FAM13A: variants seen among roughly 807,000 people sequenced by gnomAD.
The protein encoded by FAM13A is protein FAM13A.
FAM13A carries 76 observed loss-of-function variants against 129.6 expected under a neutral mutation model. The ratio of observed to expected loss-of-function variants is 0.59; its 90% CI spans 0.49 to 0.71. The LOEUF is 0.71. FAM13A is among the 30% of genes least tolerant of loss of function. FAM13A has a pLI of 0.00. For missense variants in FAM13A, 1,108 were observed against 1,249.3 expected, an observed-to-expected ratio of 0.89 and a Z score of 1.70; for synonymous variants, 443 against 449.9, an observed-to-expected ratio of 0.98 and a Z score of 0.20.
intron 7 of FAM13A, among the ~76,000 whole-genome samples, chr4:88,843,152 G>C (rs960314952): frequency 6.6e-6 from 1 of 152,280 alleles, no homozygotes; most frequent in Non-Finnish European, 1.5e-5. Context: ...AGAGGTTGGG[G>C]CCCTTTTCGA....
intron 7 of FAM13A, 80 bp downstream of exon 7, chr4:88,850,940 A>G (rs1561160793): frequency 8.6e-6 from 11 of 1,285,380 alleles, no homozygotes; most frequent in Non-Finnish European, 1.2e-5. Flanking sequence ...AGATCAATGC[A>G]GAAATACCTA....
chr4:88,979,323 T>C (rs1761336273), intron 4 of FAM13A, among the ~76,000 whole-genome samples: 1 of 152,216 alleles, frequency 6.6e-6, no homozygotes, highest in South Asian at 2.1e-4. Context: ...GCAAGTTTAA[T>C]TCTAAAAGTA....
intron 7 of FAM13A, among the ~76,000 whole-genome samples, chr4:88,817,882 G>A (rs1731088877): frequency 6.6e-6 from 1 of 152,192 alleles, no homozygotes; most frequent in Non-Finnish European, 1.5e-5. Flanking sequence ...TGTATTGCAA[G>A]CATAAGAAGA....
intron 21 of FAM13A, among the ~76,000 whole-genome samples, chr4:88,735,243 A>C (rs1213716731): frequency 6.6e-6 from 1 of 152,066 alleles, no homozygotes; most frequent in African/African-American, 2.4e-5. Context: ...ATAAATTGAT[A>C]ATAGCTATGA....
intron 8 of FAM13A, among the ~76,000 whole-genome samples, chr4:88,799,021 A>G (rs889402927): frequency 1.3e-5 from 2 of 152,256 alleles, no homozygotes; most frequent in African/African-American, 2.4e-5. Flanking sequence ...AGCTCTAAAC[A>G]TATGCTTAAT....
intron 13 of FAM13A, 55 bp from the exon 14 acceptor site, chr4:88,758,956 C>G (rs182396788): frequency 2.0e-5 from 31 of 1,561,840 alleles, no homozygotes; most frequent in Admixed American, 1.8e-4. Context: ...AACCCCAAGA[C>G]GTCTGCAGCA....
At chr4:88,772,249 G>A (rs1720817897) in intron 11 of FAM13A, among the ~76,000 whole-genome samples, 2 of 152,120 alleles carry the variant, frequency 1.3e-5, no homozygotes, top group Non-Finnish European at 2.9e-5. Context: ...GTTAAGAAAG[G>A]ATTAATGGCA....
intron 6 of FAM13A, 143 bp from the exon 7 acceptor site, chr4:88,851,326 T>G: frequency 3.0e-6 from 2 of 677,774 alleles, no homozygotes; most frequent in Non-Finnish European, 4.7e-6. Flanking sequence ...AGCTAAAAAT[T>G]AAATTTAAAC....
chr4:88,912,034 G>A (rs942445515), intron 5 of FAM13A, among the ~76,000 whole-genome samples: 1 of 152,204 alleles, frequency 6.6e-6, no homozygotes, highest in Non-Finnish European at 1.5e-5. Flanking sequence ...TTTAAAGAAG[G>A]TAACTATTCT....
intron 6 of FAM13A, among the ~76,000 whole-genome samples, chr4:88,888,250 T>C (rs944758873): frequency 1.1e-4 from 17 of 152,212 alleles, no homozygotes; most frequent in African/African-American, 3.6e-4. Context: ...ACAGCACATA[T>C]GGTTTATTCT....
intron 3 of FAM13A, among the ~76,000 whole-genome samples, chr4:89,000,659 G>T (rs1764138124): frequency 6.6e-6 from 1 of 152,196 alleles, no homozygotes; most frequent in Non-Finnish European, 1.5e-5. Context: ...TACACTTTAA[G>T]AAGGTCAATT....
intron 1 of FAM13A, among the ~76,000 whole-genome samples, chr4:89,044,379 C>G (rs1770565072): frequency 6.6e-6 from 1 of 152,022 alleles, no homozygotes; most frequent in South Asian, 2.1e-4. Context: ...TGAGATATCG[C>G]TTCACACCAA....
chr4:88,827,265 G>A lies in FAM13A; in HGVS notation c.1008-22213C>T, dbSNP rs375153239. The stretch of plus-strand genomic sequence containing the variant: ...CACCAAACCTTCTTGATCAACATTC[G>A]CCTTTGATTTCATCTGTCTTTCCTC... On this transcript the variant is annotated intron_variant, in intron 7 of 23. Coordinates refer to ENST00000264344, the MANE Select transcript of FAM13A (RefSeq NM_014883.4). Among the ~76,000 whole-genome samples the A allele has an allele frequency of 1.8e-4, 28 of 152,094 alleles. No individual in the cohort carries two copies. In the South Asian group the frequency reaches 5.0e-3, roughly 27 times the overall value.
At chr4:88,984,822 T>C (rs79867853) in intron 4 of FAM13A, among the ~76,000 whole-genome samples, 5,809 of 152,246 alleles carry the variant, frequency 0.038, 228 homozygotes, top group South Asian at 0.22. Context: ...TGGGAATATA[T>C]GAGGGAACAA....
chr4:88,863,268 ACC>A (rs1739815222), intron 6 of FAM13A, among the ~76,000 whole-genome samples: 1 of 152,116 alleles, frequency 6.6e-6, no homozygotes, highest in African/African-American at 2.4e-5. Flanking sequence ...AATCGTGCCC[ACC>A]TAATGGAACC....
chr4:88,942,030 T>C (rs1419884513), intron 4 of FAM13A, among the ~76,000 whole-genome samples: 1 of 152,158 alleles, frequency 6.6e-6, no homozygotes, highest in Non-Finnish European at 1.5e-5. Context: ...ATCCCTAATT[T>C]CTAAAGATGT....
intron 7 of FAM13A, among the ~76,000 whole-genome samples, chr4:88,834,234 G>C (rs1281228081): frequency 6.7e-6 from 1 of 149,730 alleles, no homozygotes; most frequent in Non-Finnish European, 1.5e-5. Context: ...ATCCATTTCA[G>C]AAAATTAGAC....
intron 7 of FAM13A, among the ~76,000 whole-genome samples, chr4:88,850,175 T>C (rs866877468): frequency 3.3e-4 from 50 of 152,302 alleles, no homozygotes; most frequent in Middle Eastern, 3.4e-3. Context: ...ATGAAAATTA[T>C]ATAATTTCTG....
chr4:88,920,392 C>T (rs1200845432), intron 5 of FAM13A, among the ~76,000 whole-genome samples: 20 of 152,266 alleles, frequency 1.3e-4, no homozygotes, highest in African/African-American at 4.3e-4. Flanking sequence ...TCGCGGTTCA[C>T]GAAAATCCGC....
Sources: allele counts gnomAD v4.1 joint callset (sites outside exome capture counted in the v4.1 genomes callset), GRCh38; gene constraint gnomAD v4.1.1; transcripts MANE v1.5; gene names NCBI Gene and HGNC (gene_info 2026-07-23, HGNC 2026-07-21).